FBXL7: variants seen among roughly 807,000 people sequenced by gnomAD.
FBXL7 encodes F-box and leucine rich repeat protein 7.
A neutral mutation model predicts 38.3 loss-of-function variants in FBXL7; 12 were observed. The observed-to-expected ratio is 0.31, with a 90% confidence interval of 0.20 to 0.51. The LOEUF is 0.51. Among genes scored for constraint, FBXL7 ranks in the 20% least tolerant of loss-of-function variants. The pLI, the probability that FBXL7 is intolerant of heterozygous loss-of-function variation, is 0.98. For synonymous variants in FBXL7, 297 were observed against 300.9 expected (o/e 0.99, Z 0.13); for missense variants, 567 against 676.4 (o/e 0.84, Z 1.79).
At chr5:15,727,410 A>G (rs1001160214) in intron 2 of FBXL7, among the ~76,000 whole-genome samples, 7 of 152,098 alleles carry the variant, frequency 4.6e-5, no homozygotes, top group Admixed American at 2.6e-4. Flanking sequence ...ACATTTTCTC[A>G]GCTTTGCTTT....
intron 1 of FBXL7, among the ~76,000 whole-genome samples, chr5:15,519,921 A>C (rs1207836282): frequency 1.3e-5 from 2 of 152,208 alleles, no homozygotes; most frequent in African/African-American, 4.8e-5. Context: ...CAAGTTTATG[A>C]AGAAAGTAGA....
intron 1 of FBXL7, among the ~76,000 whole-genome samples, chr5:15,599,365 G>A (rs576726058): frequency 6.6e-6 from 1 of 152,244 alleles, no homozygotes; most frequent in East Asian, 1.9e-4. Flanking sequence ...TTGTATGTGT[G>A]TGTATGTGTG....
chr5:15,573,385 A>C (rs1738849339), intron 1 of FBXL7, among the ~76,000 whole-genome samples: 1 of 152,218 alleles, frequency 6.6e-6, no homozygotes, highest in African/African-American at 2.4e-5. Flanking sequence ...GAATCTTGCC[A>C]ATAAGATGGT....
chr5:15,906,604 G>A (rs1298983528), intron 2 of FBXL7, among the ~76,000 whole-genome samples: 1 of 136,444 alleles, frequency 7.3e-6, no homozygotes, highest in African/African-American at 2.9e-5. Context: ...CCATGCTGGT[G>A]CGCTGCACCC....
chr5:15,787,121 G>A (rs1255088988), intron 2 of FBXL7, among the ~76,000 whole-genome samples: 1 of 152,130 alleles, frequency 6.6e-6, no homozygotes, highest in Non-Finnish European at 1.5e-5. Context: ...AGGGAGTGCC[G>A]CCCCACCTTG....
chr5:15,766,989 T>TC (rs1371306067), intron 2 of FBXL7, among the ~76,000 whole-genome samples: 2 of 152,232 alleles, frequency 1.3e-5, no homozygotes, highest in Non-Finnish European at 2.9e-5. Context: ...TCTTTTTTTT[T>TC]CTGTTTCTTT....
chr5:15,593,794 A>G (rs1300461555), intron 1 of FBXL7, among the ~76,000 whole-genome samples: 2 of 152,120 alleles, frequency 1.3e-5, no homozygotes, highest in Non-Finnish European at 2.9e-5. Flanking sequence ...GCTAATTGGC[A>G]ACTCACTATG....
chr5:15,711,584 A>G (rs1327780553), intron 2 of FBXL7, among the ~76,000 whole-genome samples: 1 of 152,204 alleles, frequency 6.6e-6, no homozygotes, highest in Non-Finnish European at 1.5e-5. Flanking sequence ...GCCTGAATTA[A>G]GTAGAGATTA....
At chr5:15,884,601 A>C (rs2126348857) in intron 2 of FBXL7, among the ~76,000 whole-genome samples, 1 of 152,292 alleles carries the variant, frequency 6.6e-6, no homozygotes, top group Non-Finnish European at 1.5e-5. Context: ...AGATACAAAC[A>C]TTCAGTTCAT....
Position 15,500,356 on chromosome 5 carries a change from G to C in FBXL7, c.-321G>C, listed in dbSNP as rs2048343312. ...GATCGGGGCGGGCGGATGGGGACCC[G>C]GCGGCGGCGGCGCGGTGAGCCTCTG... is the stretch of plus-strand genomic sequence containing the variant. On this transcript the variant is annotated 5_prime_UTR_variant, in exon 1 of 4. Coordinates refer to ENST00000504595, the MANE Select transcript of FBXL7 (RefSeq NM_012304.5). 1 of 154,126 alleles carries C rather than the reference G, an allele frequency of 6.5e-6. No individual in the cohort carries two copies. Among genetic ancestry groups the C allele is most frequent in the Non-Finnish European group, 1.4e-5 (1 of 70,372 alleles). The allele number at this position is 154,126 out of a possible 1,614,324, so 9.5% of individuals were successfully genotyped here. A position where few individuals can be genotyped will look rare whatever the true frequency, so the allele number is the denominator to read the frequency against.
chr5:15,856,347 G>T (rs769350075), intron 2 of FBXL7, among the ~76,000 whole-genome samples: 7 of 152,030 alleles, frequency 4.6e-5, no homozygotes, highest in Non-Finnish European at 8.8e-5. Context: ...TGAGATTTGG[G>T]TGGGGACACA....
In FBXL7 at chr5:15,602,626, C is replaced by T. The variant is rs113134180; in HGVS notation, c.38-13357C>T. Among the ~76,000 whole-genome samples, 130 of 151,988 alleles carry T rather than the reference C, an allele frequency of 8.6e-4. 1 individual carries two copies. The highest frequency in any genetic ancestry group is 2.7e-3 in the African/African-American group (112 of 41,456). On this transcript the variant is annotated intron_variant, in intron 1 of 3. Transcript: ENST00000504595. Reference sequence around the variant, plus strand: ...TATTACCAATGTTTAAAAAAGCAGTCGTACTAAACAATAATGAAGTTTTGT... The same window carrying T: ...TATTACCAATGTTTAAAAAAGCAGTTGTACTAAACAATAATGAAGTTTTGT...
intron 1 of FBXL7, among the ~76,000 whole-genome samples, chr5:15,532,314 G>A (rs779721465): frequency 2.0e-5 from 3 of 152,170 alleles, no homozygotes; most frequent in Non-Finnish European, 2.9e-5. Context: ...CTATTTTGAA[G>A]TGAAAAATTA....
intron 2 of FBXL7, among the ~76,000 whole-genome samples, chr5:15,916,016 T>C (rs1741574175): frequency 6.6e-6 from 1 of 152,182 alleles, no homozygotes; most frequent in South Asian, 2.1e-4. Context: ...ACCTGATGAA[T>C]GGTGATGCCA....
chr5:15,719,080 C>T (rs965372477), intron 2 of FBXL7, among the ~76,000 whole-genome samples: 1 of 152,158 alleles, frequency 6.6e-6, no homozygotes, highest in Non-Finnish European at 1.5e-5. Flanking sequence ...CTACAGTTAT[C>T]GGAAGGCCAG....
At chr5:15,930,853 C>T (rs1405799783) in intron 3 of FBXL7, among the ~76,000 whole-genome samples, 1 of 152,180 alleles carries the variant, frequency 6.6e-6, no homozygotes, top group Non-Finnish European at 1.5e-5. Flanking sequence ...CTAAGGGTGC[C>T]CTCCTCTTCT....
intron 2 of FBXL7, among the ~76,000 whole-genome samples, chr5:15,688,629 C>T (rs1044859903): frequency 2.6e-5 from 4 of 152,110 alleles, no homozygotes; most frequent in African/African-American, 4.8e-5. Flanking sequence ...AGTCTATATC[C>T]GAGGGCTCTC....
intron 2 of FBXL7, among the ~76,000 whole-genome samples, chr5:15,621,786 A>G (rs1740653300): frequency 6.6e-6 from 1 of 152,194 alleles, no homozygotes; most frequent in Non-Finnish European, 1.5e-5. Context: ...CATCTACAGC[A>G]TGGGCTATTA....
intron 1 of FBXL7, among the ~76,000 whole-genome samples, chr5:15,551,296 C>T (rs1371450609): frequency 2.0e-5 from 3 of 152,192 alleles, no homozygotes; most frequent in African/African-American, 4.8e-5. Flanking sequence ...AACTCCTTTA[C>T]TTTAGCTGTT....
Sources: allele counts gnomAD v4.1 joint callset (sites outside exome capture counted in the v4.1 genomes callset), GRCh38; gene constraint gnomAD v4.1.1; transcripts MANE v1.5; gene names NCBI Gene and HGNC (gene_info 2026-07-23, HGNC 2026-07-21).